The following DOCK2 variants were observed in gnomAD, a reference collection of about 807,000 sequenced individuals.
DOCK2 encodes the protein dedicator of cytokinesis 2, also known as dedicator of cytokinesis protein 2.
DOCK2 carries 87 observed loss-of-function variants against 248.9 expected under a neutral mutation model. The ratio of observed to expected loss-of-function variants is 0.35; its 90% CI spans 0.29 to 0.42. The LOEUF (loss-of-function observed/expected upper bound fraction) is 0.42, where lower values mean the gene tolerates loss of function less well. Among genes scored for constraint, DOCK2 ranks in the 10% least tolerant of loss-of-function variants. The pLI is 1.00. For missense variants in DOCK2, 1,747 were observed against 2,300.2 expected, an observed-to-expected ratio of 0.76 and a Z score of 4.92; for synonymous variants, 805 against 821.6, an observed-to-expected ratio of 0.98 and a Z score of 0.35.
intron 15 of DOCK2, among the ~76,000 whole-genome samples, chr5:169,711,651 T>C (rs1353249864): frequency 1.3e-5 from 2 of 152,232 alleles, no homozygotes; most frequent in Admixed American, 6.5e-5. Flanking sequence ...GTGACTTTTA[T>C]ATCAATTTGG....
Position 170,047,581 on chromosome 5 carries a change from A to C in DOCK2, c.4038A>C (p.Gly1346=), listed in dbSNP as rs764508625. ...LRPKPDYFAV[G]YYGQGFPSFL... ...CCAAACCAGACTACTTTGCTGTTGG[A>C]TACTACGGCCAGGGATTCCCCTCCT... Residue 1346 remains glycine (G), a synonymous_variant, in exon 40 of 52, where the codon GGA becomes GGC. Coordinates refer to ENST00000520908, the MANE Select transcript of DOCK2 (RefSeq NM_004946.3). The C allele has an allele frequency of 6.2e-7, 1 of 1,613,862 alleles. No homozygotes were observed. The highest frequency in any genetic ancestry group is 8.5e-7 in the Non-Finnish European group (1 of 1,179,934).
At chr5:169,811,829 C>A (rs571654171) in intron 26 of DOCK2, among the ~76,000 whole-genome samples, 4 of 152,166 alleles carry the variant, frequency 2.6e-5, no homozygotes, top group African/African-American at 7.2e-5. Context: ...TACCTCCCCC[C>A]ACTCTGCATC....
At chr5:169,761,752 TG>T in intron 25 of DOCK2, 127 bp downstream of exon 25, 1 of 649,910 alleles carries the variant, frequency 1.5e-6, no homozygotes, top group Non-Finnish European at 2.5e-6. Flanking sequence ...ACAACTCCCT[TG>T]GTCTGCATAA....
At chr5:169,651,794 G>C (rs748231303) in intron 1 of DOCK2, among the ~76,000 whole-genome samples, 1 of 152,182 alleles carries the variant, frequency 6.6e-6, no homozygotes, top group Non-Finnish European at 1.5e-5. Flanking sequence ...TGCAGGAGGA[G>C]AGAAGCCTCA....
At chr5:169,655,543 A>G (rs1561572555) in intron 2 of DOCK2, among the ~76,000 whole-genome samples, 2 of 152,184 alleles carry the variant, frequency 1.3e-5, no homozygotes, top group Admixed American at 6.5e-5. Context: ...TTTATAACAC[A>G]TGATCCTAGT....
intron 27 of DOCK2, among the ~76,000 whole-genome samples, chr5:169,932,956 C>T (rs194787): frequency 0.097 from 14,700 of 151,228 alleles, 776 homozygotes; most frequent in African/African-American, 0.15. Flanking sequence ...TTCCTCCCAC[C>T]GTCAAGCCCT....
At position 170,081,921 on chromosome 5, in the gene DOCK2, A is replaced by G. The variant is rs1758049061; in HGVS notation, c.5367A>G (p.Gln1789=). ...TSPRLSQTFL[Q]LSDGDKKTLT... is the part of the protein sequence containing the mutation. ...CCCGCCTCAGCCAGACCTTCCTCCA[A>G]CTCTCAGATGGTGACAAGAAGACAC... The change falls in exon 51 of 52, where the codon CAA becomes CAG. Residue 1789 remains glutamine, a synonymous_variant. Transcript: ENST00000520908. The G allele has an allele frequency of 6.2e-7, 1 of 1,613,526 alleles. No individual in the cohort carries two copies. The highest frequency in any genetic ancestry group is 1.3e-5 in the African/African-American group (1 of 74,700).
chr5:169,913,624 G>C (rs1173019809), intron 27 of DOCK2, among the ~76,000 whole-genome samples: 1 of 152,156 alleles, frequency 6.6e-6, no homozygotes, highest in Non-Finnish European at 1.5e-5. Flanking sequence ...GTATGCTCTT[G>C]GCTTTCTGGG....
rs201302761 is a variant in DOCK2 at position 170,077,849 on chromosome 5, C to T, written c.4994+12C>T. On this transcript the variant is annotated intron_variant, in intron 48 of 51. Coordinates refer to ENST00000520908, the MANE Select transcript of DOCK2 (RefSeq NM_004946.3). Reference sequence around the variant, plus strand: ...CCTACCTCAGAGAGGTCAGTCCCTGCACCCCAAGGAGCCCCCCACACCCCT... The same window carrying T: ...CCTACCTCAGAGAGGTCAGTCCCTGTACCCCAAGGAGCCCCCCACACCCCT... 2.3e-5 allele frequency: 37 copies of T among 1,611,264 alleles called. No homozygotes were observed. The highest frequency in any genetic ancestry group is 1.2e-4 in the Admixed American group (7 of 59,966).
chr5:169,788,255 T>G (rs1315151687), intron 25 of DOCK2, among the ~76,000 whole-genome samples: 1 of 152,228 alleles, frequency 6.6e-6, no homozygotes, highest in Admixed American at 6.5e-5. Flanking sequence ...GCTTGGCATT[T>G]GGCAGACGCT....
chr5:170,072,692 C>T (rs1000337991), intron 46 of DOCK2, among the ~76,000 whole-genome samples: 2 of 152,126 alleles, frequency 1.3e-5, no homozygotes, highest in Non-Finnish European at 2.9e-5. Context: ...TACTGGGAGT[C>T]TTTTTTAATT....
At chr5:170,060,922 C>G (rs1023595484) in intron 44 of DOCK2, among the ~76,000 whole-genome samples, 1 of 152,038 alleles carries the variant, frequency 6.6e-6, no homozygotes, top group East Asian at 1.9e-4. Flanking sequence ...CCCAGCTACT[C>G]AGAAGGCTGA....
intron 23 of DOCK2, 116 bp from the exon 24 acceptor site, chr5:169,759,589 T>C (rs2113733212): frequency 9.0e-7 from 1 of 1,105,904 alleles, no homozygotes; most frequent in South Asian, 1.4e-5. Context: ...AATATTGTAA[T>C]GTCCAGGATG....
At chr5:169,767,457 C>T (rs1016267925) in intron 25 of DOCK2, among the ~76,000 whole-genome samples, 1 of 152,052 alleles carries the variant, frequency 6.6e-6, no homozygotes, top group Non-Finnish European at 1.5e-5. Flanking sequence ...ATCTCTGAGC[C>T]TCGGGTTCCA....
intron 2 of DOCK2, among the ~76,000 whole-genome samples, chr5:169,666,305 A>T (rs1341421622): frequency 6.6e-6 from 1 of 152,206 alleles, no homozygotes; most frequent in Non-Finnish European, 1.5e-5. Flanking sequence ...ATGCCATCAC[A>T]TCAGGTGTCA....
chr5:169,729,159 T>G (rs1172097513), intron 22 of DOCK2, among the ~76,000 whole-genome samples: 1 of 151,950 alleles, frequency 6.6e-6, no homozygotes, highest in Non-Finnish European at 1.5e-5. Context: ...GCAAATCCCC[T>G]GTAACGAAAT....
At chr5:169,892,988 CCCT>C (rs1380695813) in intron 27 of DOCK2, among the ~76,000 whole-genome samples, 1 of 152,106 alleles carries the variant, frequency 6.6e-6, no homozygotes, top group Non-Finnish European at 1.5e-5. Context: ...ACCTTTCTTG[CCCT>C]CCTCTTTTCC....
At chr5:169,669,204 A>G in intron 2 of DOCK2, 84 bp from the exon 3 acceptor site, 2 of 1,503,788 alleles carry the variant, frequency 1.3e-6, no homozygotes, top group Non-Finnish European at 1.8e-6. Flanking sequence ...TTACTAGTTT[A>G]AAACAAAACA....
chr5:169,658,980 CATTATT>C (rs200506411), intron 2 of DOCK2, among the ~76,000 whole-genome samples: 20,121 of 135,932 alleles, frequency 0.15, 1,524 homozygotes, highest in Non-Finnish European at 0.16. Context: ...TACAAGACTG[CATTATT>C]ATTATTATTA....
Sources: allele counts gnomAD v4.1 joint callset (sites outside exome capture counted in the v4.1 genomes callset), GRCh38; gene constraint gnomAD v4.1.1; transcripts MANE v1.5; gene names NCBI Gene and HGNC (gene_info 2026-07-23, HGNC 2026-07-21).